TTC19: variants seen among roughly 807,000 people sequenced by gnomAD.
TTC19 encodes tetratricopeptide repeat protein 19, mitochondrial.
Under a neutral mutation model 49.5 loss-of-function variants are expected in TTC19, and 38 were observed. That is an observed-to-expected ratio of 0.77 (90% CI 0.59 to 1.01). The LOEUF is 1.01. Ranked by LOEUF, TTC19 falls within the 50% of genes least tolerant of loss-of-function variation. The pLI is 0.00. For synonymous variants in TTC19, 204 were observed against 185.2 expected (o/e 1.10, Z -0.83); for missense variants, 475 against 477.7 (o/e 0.99, Z 0.05).
intron 2 of TTC19, among the ~76,000 whole-genome samples, chr17:16,000,938 C>G (rs1970709319): frequency 1.3e-5 from 2 of 152,190 alleles, no homozygotes; most frequent in African/African-American, 2.4e-5. Context: ...ACTTGTGGTA[C>G]CTTACCATTG....
chr17:16,034,922 C>A, intron 2 of TTC19: 1 of 1,614,022 alleles, frequency 6.2e-7, no homozygotes. Flanking sequence ...ACTTGCTGAT[C>A]AGCTTTGGTT....
At chr17:16,010,543 C>T (rs371505529) in intron 7 of TTC19, among the ~76,000 whole-genome samples, 1 of 151,172 alleles carries the variant, frequency 6.6e-6, no homozygotes, top group Non-Finnish European at 1.5e-5. Flanking sequence ...GGCGTGATCT[C>T]GGCTCACTGC....
intron 6 of TTC19, among the ~76,000 whole-genome samples, chr17:16,005,473 C>T (rs1970876268): frequency 6.6e-6 from 1 of 151,456 alleles, no homozygotes; most frequent in Non-Finnish European, 1.5e-5. Flanking sequence ...CTTTTTAGTG[C>T]CACTTCTGTA....
chr17:16,006,584 T>C lies in TTC19; in HGVS notation c.676+16T>C. ...ATTATGTCAGGTAGGAAACCCATTA[T>C]CTGGGCATTGCCTTTTCTCCACAAA... On this transcript the variant is annotated intron_variant, in intron 7 of 9. Coordinates refer to ENST00000261647, the MANE Select transcript of TTC19 (RefSeq NM_017775.4). 6.7e-7 allele frequency: 1 copy of C among 1,485,626 alleles called. No individual in the cohort carries two copies. 92.0% of individuals were successfully genotyped at this position (1,485,626 alleles called of 1,614,324 possible).
chr17:16,027,890 G>T lies in TTC19; in HGVS notation c.*368G>T. ...TTCTACCATAAGTTTTTGGTCTGCT[G>T]ATTTGCTGCCCTGTCTTCTCTTACT... On this transcript the variant is annotated 3_prime_UTR_variant, in exon 10 of 10. Coordinates refer to ENST00000261647, the MANE Select transcript of TTC19 (RefSeq NM_017775.4). 2.2e-6 allele frequency: 1 copy of T among 462,532 alleles called. No homozygotes were observed. The highest frequency in any genetic ancestry group is 4.3e-6 in the Non-Finnish European group (1 of 232,054). 28.7% of individuals were successfully genotyped at this position (462,532 alleles called of 1,614,324 possible).
At chr17:16,040,720 A>T (rs2057402161) in intron 2 of TTC19, 1 of 562,512 alleles carries the variant, frequency 1.8e-6, no homozygotes, top group South Asian at 1.7e-5. Context: ...GAAATAGGTA[A>T]GGTAGGAACA....
At chr17:16,025,904 T>G (rs977923143) in intron 8 of TTC19, among the ~76,000 whole-genome samples, 26 of 152,174 alleles carry the variant, frequency 1.7e-4, no homozygotes, top group African/African-American at 5.8e-4. Flanking sequence ...TATAACTTAT[T>G]ATGAAGAGTC....
intron 2 of TTC19, among the ~76,000 whole-genome samples, chr17:16,042,968 A>G (rs1399017890): frequency 2.0e-5 from 3 of 152,196 alleles, no homozygotes; most frequent in African/African-American, 2.4e-5. Context: ...GACTCAAATT[A>G]TAAGACATGA....
chr17:16,017,062 T>C (rs919686724), intron 7 of TTC19, among the ~76,000 whole-genome samples: 4 of 152,212 alleles, frequency 2.6e-5, no homozygotes, highest in Non-Finnish European at 5.9e-5. Flanking sequence ...CTCATAGATA[T>C]ATTTATTTGT....
At chr17:16,022,976 TTTC>T (rs757037226) in intron 7 of TTC19, among the ~76,000 whole-genome samples, 7 of 152,142 alleles carry the variant, frequency 4.6e-5, no homozygotes, top group South Asian at 2.1e-4. Context: ...ACTTGATTTT[TTTC>T]TTGTCTAACT....
At position 16,004,997 on chromosome 17, in the gene TTC19, C is replaced by A. The variant is rs74799973; in HGVS notation, c.581+735C>A. 9.3e-3 allele frequency among the ~76,000 whole-genome samples: 1,417 copies of A among 152,320 alleles called. 27 individuals carry two copies. Among genetic ancestry groups the A allele is most frequent in the African/African-American group, 0.032 (1,328 of 41,566 alleles). ...GCTTGGCCCATGCCAGGGAACACTG[C>A]AGCTTGGTCAATCTTTCTTGGAGTT... On this transcript the variant is annotated intron_variant, in intron 6 of 9. Transcript: ENST00000261647.
exon 3 of TTC19, chr17:16,044,550 G>C (rs780934794): frequency 2.0e-6 from 1 of 503,836 alleles, no homozygotes; most frequent in Non-Finnish European, 4.0e-6. Context: ...GGCCACGTTG[G>C]GATGAGGCCC....
intron 7 of TTC19, chr17:16,023,783 AG>A (rs779813612): frequency 2.0e-5 from 3 of 152,236 alleles, no homozygotes; most frequent in Non-Finnish European, 2.9e-5. Context: ...GCGATATAGA[AG>A]CAAGCTGCAC....
rs8071733 is a variant in TTC19 at position 16,023,521 on chromosome 17, C to G, written c.677-1496C>G. ...TTTACAAAATACAGTAATTCTTGAT[C>G]GCTGAAGACGTCAAATCCTAGAAAA... On this transcript the variant is annotated intron_variant, in intron 7 of 9. Coordinates refer to ENST00000261647, the MANE Select transcript of TTC19 (RefSeq NM_017775.4). 11 of 152,220 alleles carry G rather than the reference C, an allele frequency of 7.2e-5. No individual in the cohort carries two copies. The East Asian group carries it at 1.5e-3, about 21-fold the overall frequency. 9.4% of individuals were successfully genotyped at this position (152,220 alleles called of 1,614,324 possible). A position where few individuals can be genotyped will look rare whatever the true frequency, so the allele number is the denominator to read the frequency against.
intron 7 of TTC19, among the ~76,000 whole-genome samples, chr17:16,021,644 TACAG>T (rs1004121049): frequency 2.6e-4 from 40 of 152,190 alleles, no homozygotes; most frequent in South Asian, 4.2e-4. Context: ...GGAAAAAAAT[TACAG>T]ACAAAGGGCA....
At chr17:16,006,613 CT>C (rs1308445790) in intron 7 of TTC19, 45 bp downstream of exon 7, 1 of 1,255,286 alleles carries the variant, frequency 8.0e-7, no homozygotes, top group African/African-American at 1.5e-5. Context: ...CCACAAAAGG[CT>C]TTACTTTACA....
Position 16,029,381 on chromosome 17 carries a change from T to C in TTC19, c.*1859T>C, listed in dbSNP as rs1264757447. On this transcript the variant is annotated 3_prime_UTR_variant, in exon 10 of 10. Coordinates refer to ENST00000261647, the MANE Select transcript of TTC19 (RefSeq NM_017775.4). ...TTCAAAAGTGAATTGGTTAAAATCG[T>C]GTCATTAAAATTTTTTAACTGTCCA... 3.8e-5 allele frequency: 13 copies of C among 340,440 alleles called. No homozygotes were observed. The allele number at this position is 340,440 out of a possible 1,614,324, so 21.1% of individuals were successfully genotyped here. A position where few individuals can be genotyped will look rare whatever the true frequency, so the allele number is the denominator to read the frequency against.
Position 16,029,391 on chromosome 17 carries a change from A to AT in TTC19, c.*1875dup, listed in dbSNP as rs1325373927. ...AATTGGTTAAAATCGTGTCATTAAAATTTTTTAACTGTCCAATGGTCACTG... is the reference window on the plus strand; with the variant it reads ...AATTGGTTAAAATCGTGTCATTAAAATTTTTTTAACTGTCCAATGGTCACTG... On this transcript the variant is annotated 3_prime_UTR_variant, in exon 10 of 10. Transcript: ENST00000261647. 7 of 334,040 alleles carry AT rather than the reference A, an allele frequency of 2.1e-5. No individual in the cohort carries two copies. The highest frequency in any genetic ancestry group is 8.2e-5 in the Admixed American group (2 of 24,424). 20.7% of individuals were successfully genotyped at this position (334,040 alleles called of 1,614,324 possible).
At chr17:16,024,266 CT>C (rs1251667958) in intron 7 of TTC19, 12 of 150,942 alleles carry the variant, frequency 8.0e-5, no homozygotes, top group African/African-American at 2.9e-4. Context: ...GAATGATTAG[CT>C]TGTTTAAATT....
Sources: allele counts gnomAD v4.1 joint callset (sites outside exome capture counted in the v4.1 genomes callset), GRCh38; gene constraint gnomAD v4.1.1; transcripts MANE v1.5; gene names NCBI Gene and HGNC (gene_info 2026-07-23, HGNC 2026-07-21).